The following ATP5PF variants were observed in gnomAD, a reference collection of about 807,000 sequenced individuals.
The protein encoded by ATP5PF is ATP synthase peripheral stalk subunit F6, also known as ATP synthase peripheral stalk subunit F6, mitochondrial.
ATP5PF carries 7 observed loss-of-function variants against 12.0 expected under a neutral mutation model. That is an observed-to-expected ratio of 0.58 (90% CI 0.33 to 1.10). ATP5PF has a LOEUF of 1.10. ATP5PF is among the 50% of genes least tolerant of loss of function. The pLI is 0.03. For synonymous variants in ATP5PF, 41 were observed against 45.4 expected, an observed-to-expected ratio of 0.90 and a Z score of 0.39; for missense variants, 120 against 127.7, an observed-to-expected ratio of 0.94 and a Z score of 0.29.
In ATP5PF at chr21:25,725,252, T is replaced by C. The variant is rs1240649245; in HGVS notation, c.263A>G (p.Asn88Ser). The C allele has an allele frequency of 6.2e-7, 1 of 1,612,524 alleles. No individual in the cohort carries two copies. Among genetic ancestry groups the C allele is most frequent in the South Asian group, 1.1e-5 (1 of 90,630 alleles). Residue 88 changes from asparagine (N) to serine (S), a missense_variant, in exon 3 of 4, where the codon AAT becomes AGT. Physicochemically the swap from Asn to Ser is conservative, Grantham distance 46. Transcript: ENST00000284971. ...LKQMFGNADM[N>S]TFPTFKFEDP... ...TTCAAATTTGAAGGTGGGAAATGTA[T>C]TCATGTCTGCATTACCAAACATTTG...
At chr21:25,724,894 T>C (rs538864348) in intron 3 of ATP5PF, 26 of 592,914 alleles carry the variant, frequency 4.4e-5, no homozygotes, top group Non-Finnish European at 7.5e-5. Flanking sequence ...TTTAACTACA[T>C]ATGCAGAAGA....
intron 1 of ATP5PF, among the ~76,000 whole-genome samples, chr21:25,731,585 G>A (rs967529064): frequency 6.6e-6 from 1 of 150,778 alleles, no homozygotes; most frequent in African/African-American, 2.4e-5. Context: ...TAGAGACGAG[G>A]TCTTGCCATA....
intron 1 of ATP5PF, among the ~76,000 whole-genome samples, chr21:25,733,938 G>A (rs2123462435): frequency 6.6e-6 from 1 of 152,198 alleles, no homozygotes; most frequent in South Asian, 2.1e-4. Flanking sequence ...TTCCCCAATC[G>A]CATTTCTAAT....
At chr21:25,728,284 A>C (rs2034669070) in intron 2 of ATP5PF, among the ~76,000 whole-genome samples, 1 of 152,166 alleles carries the variant, frequency 6.6e-6, no homozygotes, top group South Asian at 2.1e-4. Flanking sequence ...TTTCTCACAA[A>C]TGCCTACCAC....
chr21:25,730,736 C>CAAAAAAAAAAAAAAAAAAAAAAA lies in ATP5PF; in HGVS notation c.-7-958_-7-936dup, dbSNP rs71183508. 2.2e-4 allele frequency among the ~76,000 whole-genome samples: 7 copies of CAAAAAAAAAAAAAAAAAAAAAAA among 31,896 alleles called. 1 individual carries two copies. Among genetic ancestry groups the CAAAAAAAAAAAAAAAAAAAAAAA allele is most frequent in the Non-Finnish European group, 2.8e-4 (4 of 14,382 alleles). 20.9% of individuals were successfully genotyped at this position (31,896 alleles called of 152,430 possible). On this transcript the variant is annotated intron_variant, in intron 1 of 3. Coordinates refer to ENST00000284971, the MANE Select transcript of ATP5PF (RefSeq NM_001003703.2). Reference sequence around the variant, plus strand: ...GCAACAAGAGCAAGACTCCGTCTCACAAAAAAAAAAAAAAAAAAAAAAAAA... The same window carrying CAAAAAAAAAAAAAAAAAAAAAAA: ...GCAACAAGAGCAAGACTCCGTCTCACAAAAAAAAAAAAAAAAAAAAAAAAAAAAAAAAAAAAAAAAAAAAAAAA...
chr21:25,724,937 G>T, intron 3 of ATP5PF: 1 of 582,586 alleles, frequency 1.7e-6, no homozygotes, highest in Non-Finnish European at 2.9e-6. Flanking sequence ...CAGATGAGGA[G>T]ACATGCACCA....
intron 1 of ATP5PF, 144 bp from the exon 2 acceptor site, chr21:25,729,945 C>T (rs1181953268): frequency 2.1e-6 from 2 of 937,750 alleles, no homozygotes; most frequent in East Asian, 5.4e-5. Flanking sequence ...GTTCCCTTCT[C>T]CTCCTTATTC....
chr21:25,728,128 C>T (rs186562715), intron 2 of ATP5PF, among the ~76,000 whole-genome samples: 34 of 152,282 alleles, frequency 2.2e-4, no homozygotes, highest in Non-Finnish European at 3.7e-4. Flanking sequence ...AGTCAAGGTT[C>T]TCATCAACTA....
At position 25,734,716 on chromosome 21, in the gene ATP5PF, G is replaced by C. The variant is rs17001340; in HGVS notation, c.-8+137C>G. ...AACGTAGAGGTCAGCTGTGACCCCG[G>C]GCCAGGCCGTGAAGGTCCCCAGGAC... On this transcript the variant is annotated intron_variant, in intron 1 of 3. Transcript: ENST00000284971. The C allele has an allele frequency of 9.8e-3, 8,496 of 866,672 alleles. 385 individuals carry two copies. In the African/African-American group the frequency reaches 0.11, roughly 11 times the overall value. 53.7% of individuals were successfully genotyped at this position (866,672 alleles called of 1,614,324 possible).
intron 1 of ATP5PF, among the ~76,000 whole-genome samples, chr21:25,734,028 C>T (rs181197205): frequency 6.6e-6 from 1 of 152,302 alleles, no homozygotes; most frequent in Non-Finnish European, 1.5e-5. Context: ...ACGAACTCAT[C>T]CAAAAAACGA....
At chr21:25,728,157 G>A (rs73338258) in intron 2 of ATP5PF, among the ~76,000 whole-genome samples, 1,740 of 152,168 alleles carry the variant, frequency 0.011, 36 homozygotes, top group African/African-American at 0.039. Context: ...GTTACATTTT[G>A]CTAACATGTC....
At chr21:25,734,927 C>G, upstream of ATP5PF, 1 of 1,573,410 alleles carries the variant, frequency 6.4e-7, no homozygotes, top group East Asian at 2.3e-5. Flanking sequence ...GGCTCCGCCC[C>G]CACACGCCTA....
chr21:25,730,087 G>A (rs1419984665), intron 1 of ATP5PF, among the ~76,000 whole-genome samples: 1 of 152,154 alleles, frequency 6.6e-6, no homozygotes, highest in African/African-American at 2.4e-5. Context: ...CTTGAACTTA[G>A]TCATGGATCA....
At chr21:25,730,299 C>A (rs1419172918) in intron 1 of ATP5PF, among the ~76,000 whole-genome samples, 1 of 152,112 alleles carries the variant, frequency 6.6e-6, no homozygotes, top group Non-Finnish European at 1.5e-5. Flanking sequence ...ACTGTAACAA[C>A]TAAATCAAAG....
At chr21:25,732,004 CAA>C (rs1239030117) in intron 1 of ATP5PF, among the ~76,000 whole-genome samples, 1 of 152,022 alleles carries the variant, frequency 6.6e-6, no homozygotes, top group Non-Finnish European at 1.5e-5. Context: ...TCACTGTATT[CAA>C]AAGTGTCCAC....
chr21:25,734,487 T>C, intron 1 of ATP5PF: 1 of 726,780 alleles, frequency 1.4e-6, no homozygotes, highest in Non-Finnish European at 1.7e-6. Context: ...GTACACGTTC[T>C]GCCTAAGTAG....
intron 1 of ATP5PF, among the ~76,000 whole-genome samples, chr21:25,734,046 A>G (rs1016441506): frequency 6.6e-6 from 1 of 152,178 alleles, no homozygotes; most frequent in Non-Finnish European, 1.5e-5. Context: ...CGAACACATA[A>G]TCCCATATCA....
intron 1 of ATP5PF, 51 bp from the exon 2 acceptor site, chr21:25,729,852 C>T: frequency 6.5e-7 from 1 of 1,550,156 alleles, no homozygotes; most frequent in African/African-American, 1.4e-5. Flanking sequence ...TTATAAATCA[C>T]CTCTAAATAT....
At chr21:25,725,127 CAT>C (rs1210799652) in intron 3 of ATP5PF, 97 bp downstream of exon 3, 41 of 1,459,956 alleles carry the variant, frequency 2.8e-5, no homozygotes, top group Non-Finnish European at 2.7e-5. Flanking sequence ...AATAAATTCA[CAT>C]GTCAACACTG....
Sources: allele counts gnomAD v4.1 joint callset (sites outside exome capture counted in the v4.1 genomes callset), GRCh38; gene constraint gnomAD v4.1.1; transcripts MANE v1.5; gene names NCBI Gene and HGNC (gene_info 2026-07-23, HGNC 2026-07-21).